RIF1: variants seen among roughly 807,000 people sequenced by gnomAD.
RIF1 encodes telomere-associated protein RIF1.
Under a neutral mutation model 247.1 loss-of-function variants are expected in RIF1, and 45 were observed. That is an observed-to-expected ratio of 0.18 (90% CI 0.14 to 0.23). The LOEUF (loss-of-function observed/expected upper bound fraction) is 0.23, where lower values mean the gene tolerates loss of function less well. Among genes scored for constraint, RIF1 ranks in the 10% least tolerant of loss-of-function variants. The pLI is 1.00. For missense variants in RIF1, 2,967 were observed against 2,862.5 expected (o/e 1.04, Z -0.83); for synonymous variants, 1,087 against 978.8 (o/e 1.11, Z -2.06).
intron 13 of RIF1, chr2:151,507,626 T>G (rs528166825): frequency 6.6e-4 from 143 of 218,096 alleles, no homozygotes; most frequent in Non-Finnish European, 1.2e-3. Flanking sequence ...CGCATCTCTA[T>G]CCATAAAAAT....
chr2:151,428,823 C>G lies in RIF1; in HGVS notation c.826C>G (p.Gln276Glu). Residue 276 changes from glutamine (Q) to glutamate (E), a missense_variant, in exon 9 of 36, where the codon CAA becomes GAA. Physicochemically the swap from Gln to Glu is conservative, Grantham distance 29. Around this residue, in one of 7 missense-constraint regions of RIF1, gnomAD observed 71 missense variants for 132.9 expected, o/e 0.53. Coordinates refer to ENST00000444746, the MANE Select transcript of RIF1 (RefSeq NM_018151.5). ...TGGGAGTTTCATCAATTCTCTCTTGCAACTAGAAGAACTTGGATTTCGTAG... is the reference window on the plus strand; with the variant it reads ...TGGGAGTTTCATCAATTCTCTCTTGGAACTAGAAGAACTTGGATTTCGTAG... ...RSGSFINSLL[Q>E]LEELGFRSGA... 6 of 1,597,812 alleles carry G rather than the reference C, an allele frequency of 3.8e-6. No homozygotes were observed. Among genetic ancestry groups the G allele is most frequent in the Non-Finnish European group, 5.1e-6 (6 of 1,165,372 alleles).
chr2:151,491,905 TCTTTTCCTCAGA>T (rs1175980849), intron 9 of RIF1: 2 of 977,184 alleles, frequency 2.0e-6, no homozygotes, highest in Non-Finnish European at 3.0e-6. Context: ...CTGGGTCATG[TCTTTTCCTCAGA>T]GGAGAACAAA....
chr2:151,462,199 TATC>T (rs59316798), intron 27 of RIF1, 40 bp from the exon 28 acceptor site: 365,878 of 1,300,914 alleles, frequency 0.28, 54,030 homozygotes, highest in Admixed American at 0.39. Flanking sequence ...ATTGTAAGAA[TATC>T]ATCCGGTTTT....
In RIF1 at chr2:151,463,941, T is replaced by C; in HGVS notation, c.4421T>C (p.Leu1474Pro). The C allele has an allele frequency of 3.7e-6, 6 of 1,612,238 alleles. No homozygotes were observed. Among genetic ancestry groups the C allele is most frequent in the Non-Finnish European group, 5.1e-6 (6 of 1,179,572 alleles). Reference sequence around the variant, plus strand: ...CAAAAACTGATTGCTGAACAAACTCTACAGGAGAATTTAATTGAGAAAGGA... The same window carrying C: ...CAAAAACTGATTGCTGAACAAACTCCACAGGAGAATTTAATTGAGAAAGGA... ...PKQKLIAEQTLQENLIEKGSN... is the reference protein window; with the variant it reads ...PKQKLIAEQTPQENLIEKGSN... Residue 1474 changes from leucine (L) to proline (P), a missense_variant, in exon 30 of 36, where the codon CTA (leucine) becomes CCA (proline). This residue lies in a region of RIF1 where 2,028 missense variants were observed against 1,825.6 expected (regional missense o/e 1.11). Coordinates refer to ENST00000444746, the MANE Select transcript of RIF1 (RefSeq NM_018151.5).
chr2:151,445,467 A>T (rs770137491), intron 19 of RIF1, 22 bp downstream of exon 19: 63 of 1,111,208 alleles, frequency 5.7e-5, no homozygotes, highest in Non-Finnish European at 8.3e-5. Context: ...TCAAGTATTG[A>T]TTTCCGAGGG....
chr2:151,462,004 G>T (rs538391994), intron 27 of RIF1, among the ~76,000 whole-genome samples: 1 of 152,210 alleles, frequency 6.6e-6, no homozygotes, highest in African/African-American at 2.4e-5. Context: ...CTCCCAAGTA[G>T]CTGGGACTGC....
downstream of RIF1, among the ~76,000 whole-genome samples, chr2:151,512,252 T>C (rs2075071966): frequency 1.3e-5 from 2 of 152,060 alleles, no homozygotes; most frequent in African/African-American, 4.8e-5. Flanking sequence ...GCCAGGATGG[T>C]CTGGATCTCC....
chr2:151,505,318 C>G (rs1001719602), intron 12 of RIF1, among the ~76,000 whole-genome samples: 7 of 152,142 alleles, frequency 4.6e-5, no homozygotes, highest in African/African-American at 1.7e-4. Context: ...TTCTTATCTA[C>G]TTTTGCAACC....
rs1696331105 is a variant in RIF1 at position 151,462,429 on chromosome 2, C to T, written c.3326C>T (p.Thr1109Ile). 1 of 1,557,892 alleles carries T rather than the reference C, an allele frequency of 6.4e-7. No individual in the cohort carries two copies. The highest frequency in any genetic ancestry group is 8.7e-7 in the Non-Finnish European group (1 of 1,149,626). Residue 1109 changes from threonine (T) to isoleucine (I), a missense_variant, in exon 29 of 36, where the codon ACC becomes ATC. Coordinates refer to ENST00000444746, the MANE Select transcript of RIF1 (RefSeq NM_018151.5). ...QEEPMEIPTL[T>I]RKPKEDSKMM... ...TATTTCAGGGAAATTCCTACTTTAA[C>T]CAGAAAACCAAAGGAGGATTCTAAG...
Position 151,436,932 on chromosome 2 carries a change from T to C in RIF1, c.1301T>C (p.Met434Thr), listed in dbSNP as rs1195603388. ...IPSIQLLGLE[M>T]LLHFLLGPEA... ...TCCATTCAACTTTTGGGACTTGAAA[T>C]GTTGCTTCATTTCTTGTTGGGTCCA... The change falls in exon 12 of 36, where the codon ATG becomes ACG. Residue 434 changes from methionine to threonine, a missense_variant. Met to Thr is a moderately conservative substitution (Grantham distance 81, BLOSUM62 -1). This residue lies in a region of RIF1 where 369 missense variants were observed against 322.0 expected (regional missense o/e 1.15). Coordinates refer to ENST00000444746, the MANE Select transcript of RIF1 (RefSeq NM_018151.5). The C allele has an allele frequency of 6.2e-7, 1 of 1,614,098 alleles. No individual in the cohort carries two copies. Among genetic ancestry groups the C allele is most frequent in the Non-Finnish European group, 8.5e-7 (1 of 1,179,978 alleles).
the RIF1 span, chr2:151,525,841 T>C: frequency 1.6e-5 from 13 of 814,452 alleles, no homozygotes; most frequent in African/African-American, 2.0e-4. Context: ...CACATGTAGA[T>C]ATTGATGGTA....
rs1206786064 is a variant in RIF1, at chr2:151,463,110, T to C, written c.3590T>C (p.Val1197Ala). The change falls in exon 30 of 36, where the codon GTC becomes GCC. Residue 1197 changes from valine to alanine, a missense_variant. Physicochemically the swap from Val to Ala is moderately conservative, Grantham distance 64. Around this residue, in one of 7 missense-constraint regions of RIF1, gnomAD observed 2,028 missense variants for 1,825.6 expected, o/e 1.11. Transcript: ENST00000444746. Reference protein sequence around the residue: ...CASSTENSFVVSSSSVSNTTV... With the variant: ...CASSTENSFVASSSSVSNTTV... ...TCTAGTACAGAAAATTCTTTCGTTGTCAGCAGTAGTTCAGTTTCTAATACC... is the reference window on the plus strand; with the variant it reads ...TCTAGTACAGAAAATTCTTTCGTTGCCAGCAGTAGTTCAGTTTCTAATACC... 1 of 1,614,032 alleles carries C rather than the reference T, an allele frequency of 6.2e-7. No individual in the cohort carries two copies. The highest frequency in any genetic ancestry group is 8.5e-7 in the Non-Finnish European group (1 of 1,179,924).
chr2:151,487,874 G>A (rs774779774), intron 9 of RIF1, among the ~76,000 whole-genome samples: 2 of 152,082 alleles, frequency 1.3e-5, no homozygotes, highest in Non-Finnish European at 2.9e-5. Flanking sequence ...ACCTCCTAAA[G>A]TGCTGGGATT....
the RIF1 span, among the ~76,000 whole-genome samples, chr2:151,533,986 C>T: frequency 6.6e-6 from 1 of 152,148 alleles, no homozygotes; most frequent in Non-Finnish European, 1.5e-5. Flanking sequence ...GATGGGAGGA[C>T]CCAGCTTTTC....
At chr2:151,529,617 G>A in the RIF1 span, among the ~76,000 whole-genome samples, 3 of 150,640 alleles carry the variant, frequency 2.0e-5, no homozygotes, top group East Asian at 2.0e-4. Flanking sequence ...TGCAACCTCC[G>A]CCTCCCAGGT....
At position 151,433,231 on chromosome 2, in the gene RIF1, A is replaced by T; in HGVS notation, c.1077+3A>T. The T allele has an allele frequency of 6.2e-7, 1 of 1,608,920 alleles. No individual in the cohort carries two copies. The highest frequency in any genetic ancestry group is 8.5e-7 in the Non-Finnish European group (1 of 1,176,050). ...ATCTTCCTGCTAATTTTGAACAGGT[A>T]ACATTACAAGTGTTGACTATAGCAC... On this transcript the variant is annotated splice_donor_region_variant and intron_variant, in intron 10 of 35. Transcript: ENST00000444746.
intron 21 of RIF1, among the ~76,000 whole-genome samples, chr2:151,452,112 A>G (rs1157254819): frequency 6.6e-6 from 1 of 152,184 alleles, no homozygotes; most frequent in African/African-American, 2.4e-5. Flanking sequence ...TGACATTATA[A>G]TTTAAAAGAA....
In RIF1 at chr2:151,437,285, A is replaced by G. The variant is rs1691406892; in HGVS notation, c.1417A>G (p.Lys473Glu). 1 of 1,613,710 alleles carries G rather than the reference A, an allele frequency of 6.2e-7. No individual in the cohort carries two copies. The highest frequency in any genetic ancestry group is 8.5e-7 in the Non-Finnish European group (1 of 1,179,912). Residue 473 changes from lysine to glutamate, a missense_variant, in exon 13 of 36, where the codon AAA (lysine) becomes GAA (glutamate). Coordinates refer to ENST00000444746, the MANE Select transcript of RIF1 (RefSeq NM_018151.5). ...PLISSPSFFS[K>E]HANTLITAVH... ...AATCAGCAGCCCTTCCTTTTTTTCC[A>G]AACATGCAAATACACTTATCACTGC...
At chr2:151,432,985 T>A in intron 9 of RIF1, 92 bp from the exon 10 acceptor site, 1 of 978,094 alleles carries the variant, frequency 1.0e-6, no homozygotes. Context: ...AAATACGTTC[T>A]CTTGCTGTGA....
Sources: gnomAD v4.1 joint callset for allele counts (sites outside exome capture counted in the v4.1 genomes callset) on GRCh38, gnomAD v4.1.1 for gene constraint, gnomAD v4.1.1 regional missense constraint, MANE v1.5 for transcripts, NCBI Gene and HGNC (gene_info 2026-07-23, HGNC 2026-07-21) for gene names.